The following NPAS3 variants were observed in gnomAD, a reference collection of about 807,000 sequenced individuals.
The protein encoded by NPAS3 is neuronal PAS domain protein 3, also known as neuronal PAS domain-containing protein 3.
A neutral mutation model predicts 73.1 loss-of-function variants in NPAS3; 14 were observed. That is an observed-to-expected ratio of 0.19 (90% CI 0.13 to 0.30). The LOEUF (loss-of-function observed/expected upper bound fraction) is 0.30. NPAS3 is among the 10% of genes least tolerant of loss of function. The probability of loss-of-function intolerance (pLI) is 1.00; values close to 1 mark genes in which losing one functional copy is unlikely to be tolerated. For missense variants in NPAS3, 1,096 were observed against 1,250.0 expected (o/e 0.88, Z 1.86); for synonymous variants, 620 against 541.5 (o/e 1.14, Z -2.01).
At chr14:33,270,259 C>T (rs935783663) in intron 3 of NPAS3, among the ~76,000 whole-genome samples, 7 of 152,034 alleles carry the variant, frequency 4.6e-5, no homozygotes, top group Non-Finnish European at 1.0e-4. Flanking sequence ...CAGCTGTAAA[C>T]AATTGGCAGC....
chr14:33,567,850 G>A (rs147301472), intron 5 of NPAS3, among the ~76,000 whole-genome samples: 19 of 152,278 alleles, frequency 1.2e-4, no homozygotes, highest in East Asian at 3.9e-4. Context: ...AGAAATGTGC[G>A]TCATCATACG....
Position 33,095,676 on chromosome 14 carries a change from T to A in NPAS3, c.140+39682T>A, listed in dbSNP as rs545167545. On this transcript the variant is annotated intron_variant, in intron 2 of 11. Coordinates refer to ENST00000356141, the Ensembl canonical transcript of NPAS3. The stretch of plus-strand genomic sequence containing the variant: ...TCTCTGCTTTTATTTTTTTATTTTT[T>A]TTTTTTTTTTGAGAGGGAGTCTCGC... Among the ~76,000 whole-genome samples the A allele has an allele frequency of 6.0e-4, 84 of 139,924 alleles. 6 individuals are homozygous for A. Among genetic ancestry groups the A allele is most frequent in the Admixed American group, 2.2e-3 (31 of 14,140 alleles). The allele number at this position is 139,924 out of a possible 152,430, so 91.8% of individuals were successfully genotyped here. A position where few individuals can be genotyped will look rare whatever the true frequency, so the allele number is the denominator to read the frequency against.
At chr14:32,944,725 A>G (rs1260929694) in intron 1 of NPAS3, among the ~76,000 whole-genome samples, 1 of 152,234 alleles carries the variant, frequency 6.6e-6, no homozygotes, top group Non-Finnish European at 1.5e-5. Flanking sequence ...CATAAACAGG[A>G]CATGGCTTAG....
chr14:33,751,099 G>C (rs1189560798), intron 7 of NPAS3, among the ~76,000 whole-genome samples: 1 of 152,186 alleles, frequency 6.6e-6, no homozygotes, highest in Non-Finnish European at 1.5e-5. Flanking sequence ...ATGTAGACAA[G>C]AGTAGGAACG....
chr14:33,551,549 A>G (rs1371789641), intron 4 of NPAS3, among the ~76,000 whole-genome samples: 1 of 152,144 alleles, frequency 6.6e-6, no homozygotes, highest in African/African-American at 2.4e-5. Context: ...AGACTATCTT[A>G]TTTTCACATT....
intron 3 of NPAS3, among the ~76,000 whole-genome samples, chr14:33,292,891 T>G (rs1461345818): frequency 6.6e-6 from 1 of 152,194 alleles, no homozygotes; most frequent in African/African-American, 2.4e-5. Flanking sequence ...TGGTGAGGTC[T>G]TAAAGTTTCA....
chr14:33,257,102 T>A (rs181269549), intron 3 of NPAS3, among the ~76,000 whole-genome samples: 156 of 152,312 alleles, frequency 1.0e-3, no homozygotes, highest in Non-Finnish European at 1.2e-3. Context: ...CTCCCAGACA[T>A]GATTGTTTTC....
chr14:33,046,635 A>G (rs2040516894), intron 1 of NPAS3, among the ~76,000 whole-genome samples: 1 of 152,166 alleles, frequency 6.6e-6, no homozygotes, highest in African/African-American at 2.4e-5. Context: ...GCTATCTGGA[A>G]GAAGGTGTGG....
chr14:32,991,480 C>T (rs1313444067), intron 1 of NPAS3, among the ~76,000 whole-genome samples: 1 of 152,098 alleles, frequency 6.6e-6, no homozygotes, highest in Non-Finnish European at 1.5e-5. Flanking sequence ...AGGTAGTGGT[C>T]TCCTGGATCT....
At chr14:33,627,352 A>G (rs997053150) in intron 5 of NPAS3, among the ~76,000 whole-genome samples, 2 of 152,154 alleles carry the variant, frequency 1.3e-5, no homozygotes, top group Admixed American at 6.5e-5. Flanking sequence ...GACCTTTGTG[A>G]AGTTCCAAGA....
chr14:32,977,971 C>T (rs1018288875), intron 1 of NPAS3, among the ~76,000 whole-genome samples: 6 of 152,164 alleles, frequency 3.9e-5, no homozygotes, highest in African/African-American at 1.4e-4. Context: ...ATAAATATAG[C>T]TACTACTAAT....
chr14:33,594,282 T>C (rs534662027), intron 5 of NPAS3, among the ~76,000 whole-genome samples: 93 of 152,172 alleles, frequency 6.1e-4, no homozygotes, highest in Non-Finnish European at 1.0e-3. Context: ...TTTGTTGTTG[T>C]TGTTGTTGTT....
At chr14:33,407,356 G>T (rs571882985) in intron 4 of NPAS3, among the ~76,000 whole-genome samples, 1 of 152,126 alleles carries the variant, frequency 6.6e-6, no homozygotes, top group Admixed American at 6.6e-5. Flanking sequence ...TACTTGTAAA[G>T]CTCCTCAGAG....
intron 5 of NPAS3, among the ~76,000 whole-genome samples, chr14:33,660,618 CTTG>C (rs918260119): frequency 1.3e-5 from 2 of 152,206 alleles, no homozygotes; most frequent in African/African-American, 4.8e-5. Context: ...GTCATTTTAT[CTTG>C]TTGTTCTGGA....
At chr14:33,224,674 T>C (rs2139732381) in intron 3 of NPAS3, among the ~76,000 whole-genome samples, 1 of 152,260 alleles carries the variant, frequency 6.6e-6, no homozygotes, top group Non-Finnish European at 1.5e-5. Flanking sequence ...TATGTTCCGC[T>C]ACTTACGATT....
At chr14:33,472,894 G>T (rs1317020842) in intron 4 of NPAS3, among the ~76,000 whole-genome samples, 1 of 150,728 alleles carries the variant, frequency 6.6e-6, no homozygotes, top group Non-Finnish European at 1.5e-5. Context: ...ATTTGAAAAG[G>T]CTTATAAGAA....
At chr14:33,114,179 G>T (rs548084713) in intron 2 of NPAS3, among the ~76,000 whole-genome samples, 9 of 152,154 alleles carry the variant, frequency 5.9e-5, no homozygotes, top group African/African-American at 2.2e-4. Context: ...GGGATTACAG[G>T]CTGGTGCTAC....
At chr14:33,357,832 T>C (rs191208635) in intron 3 of NPAS3, among the ~76,000 whole-genome samples, 1 of 152,294 alleles carries the variant, frequency 6.6e-6, no homozygotes, top group East Asian at 1.9e-4. Context: ...GCGGGACATG[T>C]CACATGTCCT....
At chr14:33,573,221 G>A (rs1055937013) in intron 5 of NPAS3, among the ~76,000 whole-genome samples, 2 of 151,976 alleles carry the variant, frequency 1.3e-5, no homozygotes, top group African/African-American at 2.4e-5. Context: ...ACTCAACCAC[G>A]CTTTTAACCA....
Sources: allele counts gnomAD v4.1 joint callset (sites outside exome capture counted in the v4.1 genomes callset), GRCh38; gene constraint gnomAD v4.1.1; transcripts MANE v1.5; gene names NCBI Gene and HGNC (gene_info 2026-07-23, HGNC 2026-07-21).